Variants in ACVR1C observed in about 807,000 individuals in gnomAD.
The protein encoded by ACVR1C is activin A receptor type 1C.
Under a neutral mutation model 57.9 loss-of-function variants are expected in ACVR1C, and 23 were observed. The ratio of observed to expected loss-of-function variants is 0.40; its 90% CI spans 0.29 to 0.56. ACVR1C has a LOEUF of 0.56. Among genes scored for constraint, ACVR1C ranks in the 20% least tolerant of loss-of-function variants. The pLI is 0.50. For missense variants in ACVR1C, 480 were observed against 607.9 expected (o/e 0.79, Z 2.21); for synonymous variants, 214 against 215.3 (o/e 0.99, Z 0.05).
chr2:157,565,649 TTAACTGAATCAAACGAGC>T (rs1379831873), intron 2 of ACVR1C, among the ~76,000 whole-genome samples: 1 of 152,206 alleles, frequency 6.6e-6, no homozygotes, highest in Non-Finnish European at 1.5e-5. Flanking sequence ...TTTCTCCCTT[TTAACTGAATCAAACGAGC>T]TATTGATGGG....
intron 3 of ACVR1C, among the ~76,000 whole-genome samples, chr2:157,552,028 C>T (rs1448822411): frequency 6.6e-6 from 1 of 152,220 alleles, no homozygotes; most frequent in Non-Finnish European, 1.5e-5. Context: ...CAGGATTATG[C>T]TGCTAGTGAG....
intron 2 of ACVR1C, among the ~76,000 whole-genome samples, chr2:157,556,838 A>G (rs745663364): frequency 6.6e-6 from 1 of 151,386 alleles, no homozygotes; most frequent in Non-Finnish European, 1.5e-5. Context: ...TAATTTTTCT[A>G]TTTTTATAGA....
chr2:157,548,653 A>C (rs1573910111), intron 4 of ACVR1C, among the ~76,000 whole-genome samples: 1 of 152,124 alleles, frequency 6.6e-6, no homozygotes, highest in East Asian at 1.9e-4. Flanking sequence ...ATCTTTGACA[A>C]ACCTGAGAAA....
intron 1 of ACVR1C, among the ~76,000 whole-genome samples, chr2:157,588,236 TACACACACACACACACACACACACAC>T (rs10572950): frequency 6.8e-6 from 1 of 147,774 alleles, no homozygotes; most frequent in African/African-American, 2.5e-5. Context: ...CTCCACTTAC[TACACACACACACACACACACACACAC>T]ACACAAACAC....
chr2:157,585,624 A>T (rs1321591869), intron 2 of ACVR1C, among the ~76,000 whole-genome samples: 3 of 152,018 alleles, frequency 2.0e-5, no homozygotes, highest in Non-Finnish European at 4.4e-5. Flanking sequence ...TAAAGAGGAG[A>T]CTCTCCTTTT....
At chr2:157,576,049 T>C (rs1393488884) in intron 2 of ACVR1C, among the ~76,000 whole-genome samples, 1 of 152,054 alleles carries the variant, frequency 6.6e-6, no homozygotes, top group Non-Finnish European at 1.5e-5. Flanking sequence ...TTATGTACAA[T>C]ATATAGGTAG....
chr2:157,561,766 T>C (rs1573920968), intron 2 of ACVR1C, among the ~76,000 whole-genome samples: 1 of 152,252 alleles, frequency 6.6e-6, no homozygotes, highest in African/African-American at 2.4e-5. Context: ...GGTACCATTA[T>C]TTCCAATATT....
chr2:157,592,007 T>C (rs1481018232), intron 1 of ACVR1C, among the ~76,000 whole-genome samples: 1 of 152,070 alleles, frequency 6.6e-6, no homozygotes, highest in East Asian at 1.9e-4. Flanking sequence ...TAAAATAGAA[T>C]TCTAATACAG....
At chr2:157,564,406 A>T (rs1289982011) in intron 2 of ACVR1C, among the ~76,000 whole-genome samples, 1 of 152,262 alleles carries the variant, frequency 6.6e-6, no homozygotes, top group African/African-American at 2.4e-5. Flanking sequence ...AACCACAATG[A>T]GATACCATCT....
At chr2:157,608,529 A>AT (rs1261196602) in intron 1 of ACVR1C, among the ~76,000 whole-genome samples, 2 of 151,662 alleles carry the variant, frequency 1.3e-5, no homozygotes, top group East Asian at 1.9e-4. Context: ...CTGCTCTTCC[A>AT]TTTTTTCTAA....
chr2:157,615,814 A>C (rs1183680136), intron 1 of ACVR1C, among the ~76,000 whole-genome samples: 1 of 152,192 alleles, frequency 6.6e-6, no homozygotes, highest in Non-Finnish European at 1.5e-5. Flanking sequence ...AAAAAAAATA[A>C]AGTCCCTTCA....
chr2:157,576,621 CAGGTCAAAGTT>C (rs1311475202), intron 2 of ACVR1C, among the ~76,000 whole-genome samples: 1 of 152,062 alleles, frequency 6.6e-6, no homozygotes, highest in Admixed American at 6.5e-5. Flanking sequence ...TATATGGTTC[CAGGTCAAAGTT>C]AGGATGCTTG....
At chr2:157,589,461 T>C (rs1391149338) in intron 1 of ACVR1C, among the ~76,000 whole-genome samples, 1 of 151,950 alleles carries the variant, frequency 6.6e-6, no homozygotes, top group African/African-American at 2.4e-5. Context: ...ACTTTGCAAA[T>C]ATTTTCTCCC....
At chr2:157,607,257 C>A (rs1386104110) in intron 1 of ACVR1C, among the ~76,000 whole-genome samples, 2 of 151,834 alleles carry the variant, frequency 1.3e-5, no homozygotes, top group African/African-American at 2.4e-5. Context: ...ATGTCTCCAG[C>A]TTTGCTCTTT....
intron 1 of ACVR1C, among the ~76,000 whole-genome samples, chr2:157,593,483 T>A (rs2105131058): frequency 6.6e-6 from 1 of 152,348 alleles, no homozygotes; most frequent in South Asian, 2.1e-4. Flanking sequence ...TAGACCAGGC[T>A]ATGAAACACA....
At chr2:157,540,945 A>T in intron 7 of ACVR1C, 145 bp downstream of exon 7, 1 of 1,009,700 alleles carries the variant, frequency 9.9e-7, no homozygotes, top group Non-Finnish European at 1.4e-6. Context: ...CACTTTTGCC[A>T]CTGGAAATAT....
intron 4 of ACVR1C, 33 bp from the exon 5 acceptor site, chr2:157,544,645 T>C (rs201952457): frequency 1.3e-6 from 2 of 1,565,436 alleles, no homozygotes; most frequent in African/African-American, 2.7e-5. Context: ...TTGTTGTAAA[T>C]ACATATTGAG....
In ACVR1C at chr2:157,556,129, G is replaced by C; in HGVS notation, c.508C>G (p.Leu170Val). 1 of 1,614,128 alleles carries C rather than the reference G, an allele frequency of 6.2e-7. No homozygotes were observed. The highest frequency in any genetic ancestry group is 1.1e-5 in the South Asian group (1 of 91,076). The change falls in exon 3 of 9, where the codon CTG (leucine) becomes GTG (valine). Residue 170 changes from leucine (L) to valine (V), a missense_variant. By Grantham distance (32) the Leu-to-Val change is conservative. Coordinates refer to ENST00000243349, the MANE Select transcript of ACVR1C (RefSeq NM_145259.3). ...LVNAGKTLKD[L>V]IYDVTASGSG... Reference sequence around the variant, plus strand: ...CCAGAGGCGGTCACATCATAAATCAGATCTTTCAGAGTTTTTCCAGCATTT... The same window carrying C: ...CCAGAGGCGGTCACATCATAAATCACATCTTTCAGAGTTTTTCCAGCATTT...
chr2:157,574,941 T>G (rs1688607047), intron 2 of ACVR1C, among the ~76,000 whole-genome samples: 1 of 152,132 alleles, frequency 6.6e-6, no homozygotes, highest in Non-Finnish European at 1.5e-5. Flanking sequence ...TATACTCATG[T>G]GCCAATTCTG....
Sources: allele counts gnomAD v4.1 joint callset (sites outside exome capture counted in the v4.1 genomes callset), GRCh38; gene constraint gnomAD v4.1.1; transcripts MANE v1.5; gene names NCBI Gene and HGNC (gene_info 2026-07-23, HGNC 2026-07-21).